RAB22A: variants seen among roughly 807,000 people sequenced by gnomAD.
RAB22A encodes the protein ras-related protein Rab-22A.
A neutral mutation model predicts 30.2 loss-of-function variants in RAB22A; 13 were observed. The observed-to-expected ratio is 0.43, with a 90% confidence interval of 0.28 to 0.68. The LOEUF (loss-of-function observed/expected upper bound fraction) is 0.68. Ranked by LOEUF, RAB22A falls within the 30% of genes least tolerant of loss-of-function variation. The probability of loss-of-function intolerance (pLI) is 0.18; values close to 1 mark genes in which losing one functional copy is unlikely to be tolerated. For missense variants in RAB22A, 177 were observed against 246.8 expected, an observed-to-expected ratio of 0.72 and a Z score of 1.89; for synonymous variants, 89 against 87.2, an observed-to-expected ratio of 1.02 and a Z score of -0.11.
At chr20:58,352,371 A>C (rs1987066318) in intron 3 of RAB22A, among the ~76,000 whole-genome samples, 1 of 152,166 alleles carries the variant, frequency 6.6e-6, no homozygotes, top group South Asian at 2.1e-4. Flanking sequence ...CAGGATGTAA[A>C]TACAGTGTCA....
At chr20:58,350,787 A>G (rs995288717) in intron 3 of RAB22A, among the ~76,000 whole-genome samples, 2 of 152,256 alleles carry the variant, frequency 1.3e-5, no homozygotes, top group East Asian at 1.9e-4. Flanking sequence ...ATGACACCAC[A>G]TGGTAATTCA....
rs114662447 is a variant in RAB22A, at chr20:58,323,150, G to A, written c.116+12028G>A. 2.2e-3 allele frequency among the ~76,000 whole-genome samples: 340 copies of A among 151,724 alleles called. 1 individual carries two copies. Among genetic ancestry groups the A allele is most frequent in the African/African-American group, 7.7e-3 (320 of 41,372 alleles). On this transcript the variant is annotated intron_variant, in intron 2 of 6. Coordinates refer to ENST00000244040, the MANE Select transcript of RAB22A (RefSeq NM_020673.3). ...TTAGGATTCTTGAGTTTCTCTCAGT[G>A]TTTTTTTTCTACTTCTCTGTGTTAT...
At chr20:58,324,083 T>G (rs1986510839) in intron 2 of RAB22A, among the ~76,000 whole-genome samples, 1 of 152,198 alleles carries the variant, frequency 6.6e-6, no homozygotes, top group Non-Finnish European at 1.5e-5. Context: ...ATCAGTGCTG[T>G]GCTTGCCTGA....
intron 2 of RAB22A, among the ~76,000 whole-genome samples, chr20:58,338,241 GGTCTTGAA>G (rs1986794834): frequency 6.6e-6 from 1 of 152,036 alleles, no homozygotes; most frequent in Admixed American, 6.6e-5. Flanking sequence ...TGGTCAAACT[GGTCTTGAA>G]CTCCTGACCT....
intron 3 of RAB22A, among the ~76,000 whole-genome samples, chr20:58,347,166 ATGAAT>A (rs1260020235): frequency 6.6e-6 from 1 of 152,214 alleles, no homozygotes; most frequent in Non-Finnish European, 1.5e-5. Flanking sequence ...AACCCTTTTG[ATGAAT>A]TGACCATTCA....
At chr20:58,328,332 C>G (rs562757774) in intron 2 of RAB22A, among the ~76,000 whole-genome samples, 40 of 152,216 alleles carry the variant, frequency 2.6e-4, no homozygotes, top group South Asian at 1.0e-3. Flanking sequence ...CAGGTGCACA[C>G]CAACACACAT....
At chr20:58,343,838 C>T (rs750112120) in intron 3 of RAB22A, 39 bp downstream of exon 3, 3 of 1,486,186 alleles carry the variant, frequency 2.0e-6, no homozygotes, top group Non-Finnish European at 2.8e-6. Flanking sequence ...TTCTGAGGCC[C>T]AAATGAAAGT....
chr20:58,357,636 A>G (rs1249715891), intron 6 of RAB22A, among the ~76,000 whole-genome samples: 1 of 152,242 alleles, frequency 6.6e-6, no homozygotes, highest in East Asian at 1.9e-4. Flanking sequence ...TCTCTTAGAT[A>G]CCAGCTATAT....
At chr20:58,344,989 G>A (rs1187957090) in intron 3 of RAB22A, among the ~76,000 whole-genome samples, 1 of 152,070 alleles carries the variant, frequency 6.6e-6, no homozygotes, top group Non-Finnish European at 1.5e-5. Flanking sequence ...GGAGCATTTA[G>A]GACAGCTGGA....
intron 3 of RAB22A, among the ~76,000 whole-genome samples, chr20:58,348,753 A>C (rs937722419): frequency 6.6e-6 from 1 of 152,066 alleles, no homozygotes; most frequent in East Asian, 1.9e-4. Flanking sequence ...GAATTGTCTC[A>C]GGCTGCATAT....
intron 2 of RAB22A, among the ~76,000 whole-genome samples, chr20:58,316,507 C>A (rs915806809): frequency 6.6e-6 from 1 of 152,140 alleles, no homozygotes; most frequent in African/African-American, 2.4e-5. Flanking sequence ...TTCCAGGAAC[C>A]CCCTTCCTCT....
At chr20:58,337,900 A>G (rs1263940710) in intron 2 of RAB22A, among the ~76,000 whole-genome samples, 5 of 152,224 alleles carry the variant, frequency 3.3e-5, no homozygotes, top group South Asian at 2.1e-4. Flanking sequence ...AGTGTCTAAC[A>G]ATAAAGTCAA....
chr20:58,332,912 T>A (rs2122946435), intron 2 of RAB22A, among the ~76,000 whole-genome samples: 1 of 152,180 alleles, frequency 6.6e-6, no homozygotes, highest in African/African-American at 2.4e-5. Context: ...TGATAATAAT[T>A]ATCTCTGACT....
rs931195120 is a variant in RAB22A at position 58,367,039 on chromosome 20, G to A, written c.*7336G>A. The stretch of plus-strand genomic sequence containing the variant: ...GCCTTTTTATAAAAGCATCTATTAC[G>A]AAAGTAAAATTCAGTTGCTTACAGT... On this transcript the variant is annotated 3_prime_UTR_variant, in exon 7 of 7. Transcript: ENST00000244040. The A allele has an allele frequency of 1.3e-5, 2 of 152,616 alleles. No individual in the cohort carries two copies. The highest frequency in any genetic ancestry group is 6.5e-5 in the Admixed American group (1 of 15,278). The allele number at this position is 152,616 out of a possible 1,614,324, so 9.5% of individuals were successfully genotyped here. A position where few individuals can be genotyped will look rare whatever the true frequency, so the allele number is the denominator to read the frequency against.
intron 2 of RAB22A, among the ~76,000 whole-genome samples, chr20:58,334,480 T>G (rs1276887563): frequency 6.6e-6 from 1 of 151,974 alleles, no homozygotes; most frequent in African/African-American, 2.4e-5. Flanking sequence ...TTATATTGAC[T>G]GTAAGTTTTC....
chr20:58,319,753 T>C (rs978217221), intron 2 of RAB22A, among the ~76,000 whole-genome samples: 6 of 152,338 alleles, frequency 3.9e-5, no homozygotes, highest in African/African-American at 1.4e-4. Context: ...ATTTGATGGC[T>C]GTCTCTAGGT....
intron 6 of RAB22A, among the ~76,000 whole-genome samples, chr20:58,355,731 G>A (rs985267491): frequency 5.9e-5 from 9 of 152,196 alleles, no homozygotes; most frequent in African/African-American, 2.2e-4. Flanking sequence ...AGCTGAGGTG[G>A]GAGGATGGCT....
At chr20:58,313,757 G>A (rs1986277567) in intron 2 of RAB22A, among the ~76,000 whole-genome samples, 1 of 152,168 alleles carries the variant, frequency 6.6e-6, no homozygotes, top group African/African-American at 2.4e-5. Flanking sequence ...GCCTAGACCA[G>A]GGGTGGGCAA....
At chr20:58,351,620 A>G (rs1009434833) in intron 3 of RAB22A, among the ~76,000 whole-genome samples, 4 of 152,262 alleles carry the variant, frequency 2.6e-5, no homozygotes, top group African/African-American at 9.6e-5. Context: ...TCAAGACCAG[A>G]CTGACCAACA....
Sources: gnomAD v4.1 joint callset for allele counts (sites outside exome capture counted in the v4.1 genomes callset) on GRCh38, gnomAD v4.1.1 for gene constraint, MANE v1.5 for transcripts, NCBI Gene and HGNC (gene_info 2026-07-23, HGNC 2026-07-21) for gene names.